Variants in BAALC observed in about 807,000 individuals in gnomAD.
The protein encoded by BAALC is brain and acute leukemia cytoplasmic protein.
In BAALC, 9 loss-of-function variants were observed where a neutral mutation model predicts 15.5. That is an observed-to-expected ratio of 0.58 (90% CI 0.35 to 1.02). The LOEUF (loss-of-function observed/expected upper bound fraction) is 1.02. Ranked by LOEUF, BAALC falls within the 50% of genes least tolerant of loss-of-function variation. The pLI, the probability that BAALC is intolerant of heterozygous loss-of-function variation, is 0.02. For missense variants in BAALC, 201 were observed against 192.4 expected (o/e 1.04, Z -0.27); for synonymous variants, 80 against 74.6 (o/e 1.07, Z -0.37).
chr8:103,148,421 A>G (rs1394549240), intron 1 of BAALC, among the ~76,000 whole-genome samples: 1 of 152,192 alleles, frequency 6.6e-6, no homozygotes, highest in Non-Finnish European at 1.5e-5. Context: ...AGGTGTATGT[A>G]TGCATGGAGC....
chr8:103,206,796 G>A (rs1367425286), intron 1 of BAALC, among the ~76,000 whole-genome samples: 2 of 152,102 alleles, frequency 1.3e-5, no homozygotes, highest in Non-Finnish European at 2.9e-5. Context: ...AAGCAGGATG[G>A]GGCAGGACAA....
rs1337683825 is a variant in BAALC, at chr8:103,179,037, C to T, written c.161-33882C>T. ...GGACAAAACAAAAACAAAAAAATTC[C>T]ACAAAACCCAAACCCATAGTCTTTG... On this transcript the variant is annotated intron_variant, in intron 1 of 2. Transcript: ENST00000309982. Among the ~76,000 whole-genome samples, 5 of 151,972 alleles carry T rather than the reference C, an allele frequency of 3.3e-5. No homozygotes were observed. The East Asian group carries it at 9.6e-4, about 29-fold the overall frequency.
In BAALC at chr8:103,229,661, T is replaced by C. The variant is rs1237394853; in HGVS notation, c.*1562T>C. ...TGAATTAGACCCTTAAGGTATAGTG[T>C]GTGTTGCAAATCACTCTGCAATGGA... On this transcript the variant is annotated 3_prime_UTR_variant, in exon 3 of 3. Transcript: ENST00000309982. 1 of 152,172 alleles carries C rather than the reference T, an allele frequency of 6.6e-6. No homozygotes were observed. Among genetic ancestry groups the C allele is most frequent in the African/African-American group, 2.4e-5 (1 of 41,416 alleles). The allele number at this position is 152,172 out of a possible 1,614,324, so 9.4% of individuals were successfully genotyped here.
chr8:103,145,885 C>T (rs1232075400), intron 1 of BAALC, among the ~76,000 whole-genome samples: 1 of 152,140 alleles, frequency 6.6e-6, no homozygotes, highest in East Asian at 1.9e-4. Flanking sequence ...GCATTTATTT[C>T]TGTTAAATTT....
At chr8:103,147,572 C>T (rs984414835) in intron 1 of BAALC, among the ~76,000 whole-genome samples, 1 of 152,118 alleles carries the variant, frequency 6.6e-6, no homozygotes, top group African/African-American at 2.4e-5. Flanking sequence ...AGCAATCCCT[C>T]AGGTTTGGAC....
At chr8:103,189,898 G>A (rs1811928826) in intron 1 of BAALC, among the ~76,000 whole-genome samples, 1 of 152,186 alleles carries the variant, frequency 6.6e-6, no homozygotes, top group Non-Finnish European at 1.5e-5. Flanking sequence ...ATTAGGATGT[G>A]CTAGACAGTG....
intron 1 of BAALC, among the ~76,000 whole-genome samples, chr8:103,146,044 G>T (rs1333655838): frequency 1.3e-5 from 2 of 152,120 alleles, no homozygotes; most frequent in Admixed American, 6.5e-5. Context: ...TCACTGAATA[G>T]ACATTTGGCA....
chr8:103,163,902 G>A (rs1811284245), intron 1 of BAALC, among the ~76,000 whole-genome samples: 1 of 152,172 alleles, frequency 6.6e-6, no homozygotes, highest in Non-Finnish European at 1.5e-5. Flanking sequence ...TGCTGTTTTA[G>A]ATGCTGGGGC....
Position 103,229,796 on chromosome 8 carries a change from ATTCT to A in BAALC, c.*1700_*1703del, listed in dbSNP as rs530749730. 24 of 152,224 alleles carry A rather than the reference ATTCT, an allele frequency of 1.6e-4. No individual in the cohort carries two copies. Among genetic ancestry groups the A allele is most frequent in the Non-Finnish European group, 3.1e-4 (21 of 68,038 alleles). The allele number at this position is 152,224 out of a possible 1,614,324, so 9.4% of individuals were successfully genotyped here. ...TTTTCTAAACCTTCATCATTTTGTGATTCTTTGAGAAAGGGCTTTTAGGAACTTT... is the reference window on the plus strand; with the variant it reads ...TTTTCTAAACCTTCATCATTTTGTGATTGAGAAAGGGCTTTTAGGAACTTT... On this transcript the variant is annotated 3_prime_UTR_variant, in exon 3 of 3. Transcript: ENST00000309982.
chr8:103,226,208 G>C (rs569955224), intron 2 of BAALC, among the ~76,000 whole-genome samples: 1 of 152,342 alleles, frequency 6.6e-6, no homozygotes, highest in South Asian at 2.1e-4. Context: ...AAGGGATGAT[G>C]GAAGCAGGAG....
At chr8:103,192,826 C>T (rs1278536230) in intron 1 of BAALC, among the ~76,000 whole-genome samples, 1 of 152,194 alleles carries the variant, frequency 6.6e-6, no homozygotes, top group Non-Finnish European at 1.5e-5. Context: ...TACATATGGC[C>T]ATGCAGGACT....
At chr8:103,183,352 G>T (rs1009409104) in intron 1 of BAALC, 1 of 702,882 alleles carries the variant, frequency 1.4e-6, no homozygotes, top group Non-Finnish European at 2.6e-6. Flanking sequence ...TTATTTTCCT[G>T]GTTTTGCCCA....
At chr8:103,189,594 C>T (rs1054210408) in intron 1 of BAALC, among the ~76,000 whole-genome samples, 34 of 152,186 alleles carry the variant, frequency 2.2e-4, no homozygotes, top group Admixed American at 1.8e-3. Context: ...CAGGCATCAG[C>T]AAGCAAGGCA....
chr8:103,165,014 T>C (rs1811313492), intron 1 of BAALC, among the ~76,000 whole-genome samples: 1 of 152,180 alleles, frequency 6.6e-6, no homozygotes, highest in Non-Finnish European at 1.5e-5. Context: ...ATTTGAAGAA[T>C]GTGATAGGCT....
rs1251561843 is a variant in BAALC at position 103,141,050 on chromosome 8, G to GC, written c.154dup (p.His52ProfsTer33). ...ACAGCGGCCCCGAAGCGGGCGGCCT[G>GC]CACTCGGGTAAGTGGCCGGGCCCCT... On this transcript the variant is annotated frameshift_variant, in exon 1 of 3. Transcript: ENST00000309982. LOFTEE classifies it high-confidence loss of function. 1 of 1,496,560 alleles carries GC rather than the reference G, an allele frequency of 6.7e-7. No individual in the cohort carries two copies. The highest frequency in any genetic ancestry group is 8.9e-7 in the Non-Finnish European group (1 of 1,123,188). The allele number at this position is 1,496,560 out of a possible 1,614,324, so 92.7% of individuals were successfully genotyped here. A position where few individuals can be genotyped will look rare whatever the true frequency, so the allele number is the denominator to read the frequency against.
At chr8:103,182,088 T>C (rs778770624) in intron 1 of BAALC, among the ~76,000 whole-genome samples, 6 of 152,244 alleles carry the variant, frequency 3.9e-5, no homozygotes, top group Admixed American at 2.0e-4. Flanking sequence ...TTTCTTCTTT[T>C]ATCTTCCTCA....
chr8:103,207,497 T>G (rs2130050836), intron 1 of BAALC, among the ~76,000 whole-genome samples: 1 of 152,250 alleles, frequency 6.6e-6, no homozygotes, highest in Non-Finnish European at 1.5e-5. Context: ...AGCTTGTTAA[T>G]GTAGATTCCT....
At chr8:103,181,302 T>C (rs1811722006) in intron 1 of BAALC, among the ~76,000 whole-genome samples, 1 of 152,178 alleles carries the variant, frequency 6.6e-6, no homozygotes, top group African/African-American at 2.4e-5. Flanking sequence ...AGACAGAGTC[T>C]CGCTCTGTCG....
chr8:103,152,783 C>T (rs139555879), intron 1 of BAALC, among the ~76,000 whole-genome samples: 6 of 152,344 alleles, frequency 3.9e-5, no homozygotes, highest in South Asian at 2.1e-4. Flanking sequence ...CACCCAGTCA[C>T]GGACACTGTG....
Sources: allele counts gnomAD v4.1 joint callset (sites outside exome capture counted in the v4.1 genomes callset), GRCh38; gene constraint gnomAD v4.1.1; transcripts MANE v1.5; gene names NCBI Gene and HGNC (gene_info 2026-07-23, HGNC 2026-07-21).